The following YIPF4 variants were observed in gnomAD, a reference collection of about 807,000 sequenced individuals.
YIPF4 encodes protein YIPF4.
Under a neutral mutation model 29.4 loss-of-function variants are expected in YIPF4, and 18 were observed. The ratio of observed to expected loss-of-function variants is 0.61; its 90% CI spans 0.42 to 0.91. YIPF4 has a LOEUF of 0.91. Among genes scored for constraint, YIPF4 ranks in the 40% least tolerant of loss-of-function variants. The pLI is 0.00. For missense variants in YIPF4, 279 were observed against 282.7 expected, an observed-to-expected ratio of 0.99 and a Z score of 0.09; for synonymous variants, 115 against 104.7, an observed-to-expected ratio of 1.10 and a Z score of -0.60.
Position 32,311,952 on chromosome 2 carries a change from C to T in YIPF4, c.*6326C>T, listed in dbSNP as rs2148970422. On this transcript the variant is annotated 3_prime_UTR_variant, in exon 6 of 6. Transcript: ENST00000238831. ...TTCAATATTTTTGCTCTATTTTATA[C>T]CTACTCACTTTGGTGGAATTAGTTC... 6.6e-6 allele frequency: 1 copy of T among 152,230 alleles called. No individual in the cohort carries two copies. Among genetic ancestry groups the T allele is most frequent in the Middle Eastern group, 3.4e-3 (1 of 294 alleles). The allele number at this position is 152,230 out of a possible 1,614,324, so 9.4% of individuals were successfully genotyped here.
intron 3 of YIPF4, among the ~76,000 whole-genome samples, chr2:32,296,444 C>A (rs1386020202): frequency 6.6e-6 from 1 of 150,476 alleles, no homozygotes; most frequent in East Asian, 1.9e-4. Context: ...GCACTCCAGC[C>A]TGGGTGACAG....
At chr2:32,294,442 A>T (rs993946109) in intron 3 of YIPF4, among the ~76,000 whole-genome samples, 1 of 142,420 alleles carries the variant, frequency 7.0e-6, no homozygotes, top group African/African-American at 2.7e-5. Flanking sequence ...CGGCGGGGCA[A>T]AGGCGCTCCC....
rs2031720191 is a variant in YIPF4 at position 32,311,753 on chromosome 2, A to G, written c.*6127A>G. 1 of 152,228 alleles carries G rather than the reference A, an allele frequency of 6.6e-6. No homozygotes were observed. Among genetic ancestry groups the G allele is most frequent in the African/African-American group, 2.4e-5 (1 of 41,468 alleles). 9.4% of individuals were successfully genotyped at this position (152,228 alleles called of 1,614,324 possible). A position where few individuals can be genotyped will look rare whatever the true frequency, so the allele number is the denominator to read the frequency against. ...CCTTGGTTTTTCTGTAATATTTGCC[A>G]CTGAGCAATTTTTATTAAAAACCAA... On this transcript the variant is annotated 3_prime_UTR_variant, in exon 6 of 6. Transcript: ENST00000238831.
rs1396410082 is a variant in YIPF4 at position 32,310,801 on chromosome 2, G to C, written c.*5175G>C. 1.3e-5 allele frequency: 2 copies of C among 152,152 alleles called. No individual in the cohort carries two copies. The highest frequency in any genetic ancestry group is 2.9e-5 in the Non-Finnish European group (2 of 68,054). 9.4% of individuals were successfully genotyped at this position (152,152 alleles called of 1,614,324 possible). ...TGAGGCAGGAGAATTGCTTGAGCCT[G>C]GGAGGTTGAGGCTGCAGTGAGCCGC... On this transcript the variant is annotated 3_prime_UTR_variant, in exon 6 of 6. Coordinates refer to ENST00000238831, the MANE Select transcript of YIPF4 (RefSeq NM_032312.4).
rs375148402 is a variant in YIPF4, at chr2:32,282,489, A to G, written c.79+4255A>G. On this transcript the variant is annotated intron_variant, in intron 1 of 5. Transcript: ENST00000238831. ...GCCCTGTCGCCCAGGCTGGAGTGCAATGGCACCATCTTGGCTCACTGCAAC... is the reference window on the plus strand; with the variant it reads ...GCCCTGTCGCCCAGGCTGGAGTGCAGTGGCACCATCTTGGCTCACTGCAAC... Among the ~76,000 whole-genome samples the G allele has an allele frequency of 7.9e-5, 12 of 152,106 alleles. No individual in the cohort carries two copies. In the East Asian group the frequency reaches 1.4e-3, roughly 17 times the overall value.
chr2:32,302,372 A>G (rs573604396), intron 5 of YIPF4, among the ~76,000 whole-genome samples: 288 of 152,116 alleles, frequency 1.9e-3, no homozygotes, highest in Admixed American at 3.1e-3. Flanking sequence ...TATTTTCTGT[A>G]TTTATAATAT....
At chr2:32,290,817 T>A in intron 2 of YIPF4, 181 bp downstream of exon 2, 1 of 336,958 alleles carries the variant, frequency 3.0e-6, no homozygotes, top group Non-Finnish European at 5.0e-6. Flanking sequence ...TTTAACCAAT[T>A]AAAAGACAAA....
Position 32,315,871 on chromosome 2 carries a change from A to G in YIPF4, c.*10245A>G, listed in dbSNP as rs1356738479. The G allele has an allele frequency of 6.6e-6, 1 of 151,952 alleles. No homozygotes were observed. The highest frequency in any genetic ancestry group is 1.5e-5 in the Non-Finnish European group (1 of 67,988). The allele number at this position is 151,952 out of a possible 1,614,324, so 9.4% of individuals were successfully genotyped here. On this transcript the variant is annotated 3_prime_UTR_variant, in exon 6 of 6. Coordinates refer to ENST00000238831, the MANE Select transcript of YIPF4 (RefSeq NM_032312.4). ...AATCTTTGAGAAGATGGGGCTTTCA[A>G]AGCGTTAAATGAAACACAGAAGCCA...
At chr2:32,288,796 CAATA>C (rs1354279429) in intron 1 of YIPF4, among the ~76,000 whole-genome samples, 1 of 151,260 alleles carries the variant, frequency 6.6e-6, no homozygotes, top group African/African-American at 2.4e-5. Context: ...GGAGACAGAG[CAATA>C]AATAAATAAA....
intron 3 of YIPF4, among the ~76,000 whole-genome samples, chr2:32,292,793 G>A (rs1296845302): frequency 6.7e-6 from 1 of 150,006 alleles, no homozygotes; most frequent in African/African-American, 2.5e-5. Flanking sequence ...GAACCCGGGA[G>A]GCCGAGGTTG....
At position 32,307,174 on chromosome 2, in the gene YIPF4, C is replaced by A; in HGVS notation, c.*1548C>A. 2 of 1,278,770 alleles carry A rather than the reference C, an allele frequency of 1.6e-6. No homozygotes were observed. The highest frequency in any genetic ancestry group is 5.8e-5 in the East Asian group (1 of 17,302). The allele number at this position is 1,278,770 out of a possible 1,614,324, so 79.2% of individuals were successfully genotyped here. A position where few individuals can be genotyped will look rare whatever the true frequency, so the allele number is the denominator to read the frequency against. On this transcript the variant is annotated 3_prime_UTR_variant, in exon 6 of 6. Transcript: ENST00000238831. ...TGAAGTAATCAGGAAATATCTATGC[C>A]TACAGAAGCAGCAACCGTAAGATAA...
rs565859149 is a variant in YIPF4, at chr2:32,316,406, C to T, written c.*10780C>T. The T allele has an allele frequency of 1.6e-3, 237 of 152,262 alleles. No individual in the cohort carries two copies. Among genetic ancestry groups the T allele is most frequent in the African/African-American group, 5.5e-3 (229 of 41,552 alleles). 9.4% of individuals were successfully genotyped at this position (152,262 alleles called of 1,614,324 possible). On this transcript the variant is annotated 3_prime_UTR_variant, in exon 6 of 6. Coordinates refer to ENST00000238831, the MANE Select transcript of YIPF4 (RefSeq NM_032312.4). The stretch of plus-strand genomic sequence containing the variant: ...ATGTGAATTAACAACGTTGGCCTCT[C>T]GGATTCCCAAAACTTTAAAAGATTA...
chr2:32,306,227 C>T lies in YIPF4; in HGVS notation c.*601C>T, dbSNP rs1045858720. ...AGTTTTTAAAATCTCACACATGCTT[C>T]GATACTTCCTTGTTAAGAATTCTTA... On this transcript the variant is annotated 3_prime_UTR_variant, in exon 6 of 6. Coordinates refer to ENST00000238831, the MANE Select transcript of YIPF4 (RefSeq NM_032312.4). 4.1e-5 allele frequency: 37 copies of T among 910,652 alleles called. No individual in the cohort carries two copies. The highest frequency in any genetic ancestry group is 6.2e-5 in the Admixed American group (1 of 16,104). The allele number at this position is 910,652 out of a possible 1,614,324, so 56.4% of individuals were successfully genotyped here.
chr2:32,278,955 G>A (rs923780015), intron 1 of YIPF4, among the ~76,000 whole-genome samples: 1 of 151,834 alleles, frequency 6.6e-6, no homozygotes, highest in African/African-American at 2.4e-5. Flanking sequence ...TCATAACCTG[G>A]ATATTATTCT....
Position 32,279,219 on chromosome 2 carries a change from C to T in YIPF4, c.79+985C>T, listed in dbSNP as rs368744736. On this transcript the variant is annotated intron_variant, in intron 1 of 5. Coordinates refer to ENST00000238831, the MANE Select transcript of YIPF4 (RefSeq NM_032312.4). ...ATCTCCTGACCTCGTGATCCGCCCG[C>T]CTCGGCCTCCCAAAGTGCTGGGATT... Among the ~76,000 whole-genome samples the T allele has an allele frequency of 1.8e-3, 280 of 152,170 alleles. 1 individual carries two copies. The highest frequency in any genetic ancestry group is 6.1e-3 in the African/African-American group (252 of 41,514).
In YIPF4 at chr2:32,278,076, C is replaced by A; in HGVS notation, c.-80C>A. 2 of 1,277,022 alleles carry A rather than the reference C, an allele frequency of 1.6e-6. No homozygotes were observed. The highest frequency in any genetic ancestry group is 2.1e-6 in the Non-Finnish European group (2 of 933,292). 79.1% of individuals were successfully genotyped at this position (1,277,022 alleles called of 1,614,324 possible). On this transcript the variant is annotated 5_prime_UTR_variant, in exon 1 of 6. Coordinates refer to ENST00000238831, the MANE Select transcript of YIPF4 (RefSeq NM_032312.4). Reference sequence around the variant, plus strand: ...TAGGCCGCACCGTAGGGCGAGCGTGCGGGTCGCCGCCGCGGCCGCCTCGGG... The same window carrying A: ...TAGGCCGCACCGTAGGGCGAGCGTGAGGGTCGCCGCCGCGGCCGCCTCGGG...
chr2:32,283,908 C>A (rs957673569), intron 1 of YIPF4, among the ~76,000 whole-genome samples: 2 of 151,856 alleles, frequency 1.3e-5, no homozygotes, highest in Non-Finnish European at 2.9e-5. Flanking sequence ...TTAATAGAGA[C>A]GGGGTTTTAC....
chr2:32,294,176 A>G (rs912248877), intron 3 of YIPF4, among the ~76,000 whole-genome samples: 7 of 146,864 alleles, frequency 4.8e-5, no homozygotes, highest in Non-Finnish European at 9.0e-5. Context: ...GCTGACCCCC[A>G]CCTCCCTCCC....
chr2:32,312,663 T>C lies in YIPF4; in HGVS notation c.*7037T>C, dbSNP rs1236744428. 1 of 151,800 alleles carries C rather than the reference T, an allele frequency of 6.6e-6. No homozygotes were observed. Among genetic ancestry groups the C allele is most frequent in the Non-Finnish European group, 1.5e-5 (1 of 68,000 alleles). The allele number at this position is 151,800 out of a possible 1,614,324, so 9.4% of individuals were successfully genotyped here. A position where few individuals can be genotyped will look rare whatever the true frequency, so the allele number is the denominator to read the frequency against. ...ACCCCTTCCTGTATGAACCTAGTAC[T>C]GTGCTGAGTGTAGGGATACAGTGAT... is the stretch of plus-strand genomic sequence containing the variant. On this transcript the variant is annotated 3_prime_UTR_variant, in exon 6 of 6. Transcript: ENST00000238831.
Sources: gnomAD v4.1 joint callset for allele counts (sites outside exome capture counted in the v4.1 genomes callset) on GRCh38, gnomAD v4.1.1 for gene constraint, MANE v1.5 for transcripts, NCBI Gene and HGNC (gene_info 2026-07-23, HGNC 2026-07-21) for gene names.